Variants in DIAPH2 observed in about 807,000 individuals in gnomAD.
The protein encoded by DIAPH2 is protein diaphanous homolog 2.
DIAPH2 carries 35 observed loss-of-function variants against 92.7 expected under a neutral mutation model. The observed-to-expected ratio is 0.38, with a 90% CI of 0.29 to 0.50. The LOEUF (loss-of-function observed/expected upper bound fraction) is 0.50, where lower values mean the gene tolerates loss of function less well. DIAPH2 is among the 20% of genes least tolerant of loss of function. The pLI is 0.94. For synonymous variants in DIAPH2, 301 were observed against 280.4 expected, an observed-to-expected ratio of 1.07 and a Z score of -0.73; for missense variants, 701 against 819.5, an observed-to-expected ratio of 0.86 and a Z score of 1.77.
intron 22 of DIAPH2, among the ~76,000 whole-genome samples, chrX:97,185,498 T>TACAC (rs2067594934): frequency 7.2e-5 from 4 of 55,834 alleles, no homozygotes; most frequent in Middle Eastern, 9.9e-3. Flanking sequence ...TATATATATA[T>TACAC]ATATATATAT....
intron 17 of DIAPH2, among the ~76,000 whole-genome samples, chrX:97,023,142 T>G (rs748277532): frequency 8.9e-6 from 1 of 111,966 alleles, no homozygotes; most frequent in Non-Finnish European, 1.9e-5. Context: ...CTAACTCTTA[T>G]TAGTAGTTTG....
chrX:97,073,467 T>C (rs2066683395), intron 18 of DIAPH2, among the ~76,000 whole-genome samples: 1 of 112,417 alleles, frequency 8.9e-6, no homozygotes, highest in Non-Finnish European at 1.9e-5. Flanking sequence ...GCTACTTAAA[T>C]TGTTAACCTT....
intron 4 of DIAPH2, among the ~76,000 whole-genome samples, chrX:96,856,584 T>TA: frequency 1.7e-5 from 1 of 57,489 alleles, no homozygotes; most frequent in Non-Finnish European, 2.7e-5. Flanking sequence ...AATATATATA[T>TA]TTAAAAAAAA....
intron 22 of DIAPH2, among the ~76,000 whole-genome samples, chrX:97,181,781 A>T (rs2067542505): frequency 8.9e-6 from 1 of 112,690 alleles, no homozygotes; most frequent in East Asian, 2.8e-4. Flanking sequence ...TTAATGTGAC[A>T]ATAGTAGTCT....
At chrX:96,813,963 C>T (rs2064708917) in intron 4 of DIAPH2, among the ~76,000 whole-genome samples, 1 of 111,401 alleles carries the variant, frequency 9.0e-6, no homozygotes, top group Non-Finnish European at 1.9e-5. Context: ...AGCCTTTTTT[C>T]CTTCATTTCA....
chrX:97,010,236 T>C (rs1436318209), intron 17 of DIAPH2, among the ~76,000 whole-genome samples: 1 of 110,462 alleles, frequency 9.1e-6, no homozygotes, highest in Admixed American at 9.6e-5. Context: ...TGGGTTACAA[T>C]GCAAAGTCCC....
chrX:96,722,822 T>C (rs1354584030), intron 1 of DIAPH2, among the ~76,000 whole-genome samples: 2 of 112,042 alleles, frequency 1.8e-5, no homozygotes, highest in African/African-American at 6.5e-5. Context: ...CCAGGTTTTT[T>C]CAAGCATATT....
intron 9 of DIAPH2, 79 bp downstream of exon 9, chrX:96,918,696 C>T (rs1030540590): frequency 2.8e-6 from 2 of 714,966 alleles, no homozygotes; most frequent in Non-Finnish European, 4.1e-6. Context: ...TCCATTTTAG[C>T]TGGCATTTAA....
intron 22 of DIAPH2, among the ~76,000 whole-genome samples, chrX:97,230,591 G>A (rs1042643049): frequency 1.8e-5 from 2 of 112,159 alleles, no homozygotes; most frequent in South Asian, 3.7e-4. Context: ...TTTGGCTCTT[G>A]TTGCCTAGGC....
intron 26 of DIAPH2, among the ~76,000 whole-genome samples, chrX:97,445,159 A>G (rs182162618): frequency 1.8e-5 from 2 of 111,575 alleles, no homozygotes; most frequent in Admixed American, 9.5e-5. Flanking sequence ...CATAAACAGT[A>G]TTGATCAGTT....
At chrX:97,568,928 A>G (rs970165773) in intron 26 of DIAPH2, among the ~76,000 whole-genome samples, 1 of 111,928 alleles carries the variant, frequency 8.9e-6, no homozygotes, top group East Asian at 2.8e-4. Context: ...TAGATGCAAA[A>G]AAGTATTGCT....
At chrX:96,894,497 T>C (rs1264493711) in intron 5 of DIAPH2, among the ~76,000 whole-genome samples, 1 of 112,038 alleles carries the variant, frequency 8.9e-6, no homozygotes. Flanking sequence ...TAAGTATTAA[T>C]GAATTTTTCT....
At chrX:97,563,631 C>T (rs1253520478) in intron 26 of DIAPH2, among the ~76,000 whole-genome samples, 8 of 111,651 alleles carry the variant, frequency 7.2e-5, no homozygotes, top group Non-Finnish European at 1.5e-4. Context: ...TGCCAAGCTG[C>T]CAGGGATCTA....
At chrX:96,747,106 G>C (rs6615858) in intron 3 of DIAPH2, among the ~76,000 whole-genome samples, 15,424 of 111,195 alleles carry the variant, frequency 0.14, 884 homozygotes, top group East Asian at 0.32. Flanking sequence ...ATGCTTATTA[G>C]TGTTTTCATC....
chrX:97,288,060 AAG>A (rs1452826092), intron 23 of DIAPH2, among the ~76,000 whole-genome samples: 1 of 110,983 alleles, frequency 9.0e-6, no homozygotes, highest in African/African-American at 3.3e-5. Context: ...GTTTGACTGA[AAG>A]AGTCTAGATA....
At chrX:97,006,921 A>G (rs993309126) in intron 17 of DIAPH2, among the ~76,000 whole-genome samples, 3 of 108,837 alleles carry the variant, frequency 2.8e-5, no homozygotes, top group Non-Finnish European at 5.7e-5. Context: ...CTTGTTTTTT[A>G]TTGTCTGTGT....
intron 17 of DIAPH2, among the ~76,000 whole-genome samples, chrX:97,055,304 G>A (rs2066549591): frequency 9.0e-6 from 1 of 111,183 alleles, no homozygotes; most frequent in African/African-American, 3.3e-5. Flanking sequence ...AAAGATCTAA[G>A]CAATAATTAT....
chrX:97,041,318 G>A (rs2066446993), intron 17 of DIAPH2, among the ~76,000 whole-genome samples: 1 of 111,415 alleles, frequency 9.0e-6, no homozygotes, highest in Non-Finnish European at 1.9e-5. Context: ...CTGATTACTG[G>A]CTTAAAATTT....
chrX:97,559,182 C>T (rs1447977314), intron 26 of DIAPH2, among the ~76,000 whole-genome samples: 3 of 111,849 alleles, frequency 2.7e-5, no homozygotes, highest in Non-Finnish European at 5.6e-5. Context: ...CCTTCAGTTG[C>T]ATTGGTCTAG....
Sources: allele counts gnomAD v4.1 joint callset (sites outside exome capture counted in the v4.1 genomes callset), GRCh38; gene constraint gnomAD v4.1.1; transcripts MANE v1.5; gene names NCBI Gene and HGNC (gene_info 2026-07-23, HGNC 2026-07-21).